FLI1: variants seen among roughly 807,000 people sequenced by gnomAD.
The protein encoded by FLI1 is Friend leukemia integration 1 transcription factor.
In FLI1, 13 loss-of-function variants were observed where a neutral mutation model predicts 53.1. The ratio of observed to expected loss-of-function variants is 0.24; its 90% CI spans 0.16 to 0.39. FLI1 has a LOEUF of 0.39. Among genes scored for constraint, FLI1 ranks in the 10% least tolerant of loss-of-function variants. The pLI is 1.00. For missense variants in FLI1, 424 were observed against 600.5 expected, an observed-to-expected ratio of 0.71 and a Z score of 3.07; for synonymous variants, 244 against 236.7, an observed-to-expected ratio of 1.03 and a Z score of -0.28.
chr11:128,722,010 G>A (rs553021840), intron 1 of FLI1, among the ~76,000 whole-genome samples: 30 of 152,260 alleles, frequency 2.0e-4, no homozygotes, highest in Admixed American at 1.2e-3. Context: ...TCTGCAGCTG[G>A]TCTTAGAGGG....
intron 4 of FLI1, among the ~76,000 whole-genome samples, chr11:128,777,255 G>A (rs1221441701): frequency 4.6e-5 from 7 of 152,106 alleles, no homozygotes; most frequent in African/African-American, 1.7e-4. Flanking sequence ...CGAGGCCCCG[G>A]GGGAGGTGGG....
At chr11:128,712,252 C>T (rs975060616) in intron 1 of FLI1, among the ~76,000 whole-genome samples, 4 of 152,292 alleles carry the variant, frequency 2.6e-5, no homozygotes, top group East Asian at 1.9e-4. Flanking sequence ...CTATGTGACA[C>T]GCTGGCTCCC....
chr11:128,801,281 G>A (rs1354603381), intron 5 of FLI1, among the ~76,000 whole-genome samples: 3 of 152,222 alleles, frequency 2.0e-5, no homozygotes, highest in South Asian at 2.1e-4. Flanking sequence ...GCTCTGCAAG[G>A]GGGTTTGTGT....
Position 128,758,101 on chromosome 11 carries a change from C to T in FLI1, c.19-14C>T. ...AGTGACACTGGGCTTTCTGTCTCTT[C>T]TCTGGCCCTGCAGGAGGCTCTGTCG... On this transcript the variant is annotated splice_polypyrimidine_tract_variant and intron_variant, in intron 1 of 8. Transcript: ENST00000527786. 6.2e-7 allele frequency: 1 copy of T among 1,605,284 alleles called. No individual in the cohort carries two copies. The highest frequency in any genetic ancestry group is 8.5e-7 in the Non-Finnish European group (1 of 1,175,760).
chr11:128,785,121 T>C (rs537463719), intron 5 of FLI1, among the ~76,000 whole-genome samples: 25 of 152,206 alleles, frequency 1.6e-4, no homozygotes, highest in Middle Eastern at 3.4e-3. Context: ...TTTAGAACAA[T>C]CTTTAAGCCC....
At chr11:128,779,208 G>A (rs1368180494) in intron 4 of FLI1, among the ~76,000 whole-genome samples, 3 of 152,230 alleles carry the variant, frequency 2.0e-5, no homozygotes, top group Admixed American at 6.5e-5. Flanking sequence ...TCTAAGGTTC[G>A]TGCTTTCGGC....
chr11:128,757,202 C>T (rs1239930793), intron 1 of FLI1, among the ~76,000 whole-genome samples: 2 of 152,028 alleles, frequency 1.3e-5, no homozygotes, highest in Non-Finnish European at 2.9e-5. Context: ...CCACCTCAGG[C>T]TCCCAAAATG....
chr11:128,782,043 C>A lies in FLI1; in HGVS notation c.655+20C>A. 8.1e-6 allele frequency: 13 copies of A among 1,604,244 alleles called. No individual in the cohort carries two copies. Among genetic ancestry groups the A allele is most frequent in the Non-Finnish European group, 1.0e-5 (12 of 1,171,116 alleles). On this transcript the variant is annotated intron_variant, in intron 5 of 8. Coordinates refer to ENST00000527786, the MANE Select transcript of FLI1 (RefSeq NM_002017.5). ...AAGAAGGTAAGTTTGTTCTTTTGTG[C>A]ACTTAAAATTTTCTTCTGTACCAGA...
At chr11:128,799,706 G>A (rs938744120) in intron 5 of FLI1, among the ~76,000 whole-genome samples, 36 of 152,192 alleles carry the variant, frequency 2.4e-4, no homozygotes, top group African/African-American at 7.7e-4. Context: ...CTGAGGGCGC[G>A]GACTCGAGCA....
rs1941925162 is a variant in FLI1 at position 128,781,855 on chromosome 11, C to T, written c.590-103C>T. 6.7e-6 allele frequency: 6 copies of T among 898,044 alleles called. No homozygotes were observed. The Admixed American group carries it at 7.0e-5, about 10-fold the overall frequency. 55.6% of individuals were successfully genotyped at this position (898,044 alleles called of 1,614,324 possible). A position where few individuals can be genotyped will look rare whatever the true frequency, so the allele number is the denominator to read the frequency against. On this transcript the variant is annotated intron_variant, in intron 4 of 8. Transcript: ENST00000527786. The stretch of plus-strand genomic sequence containing the variant: ...CTAGGAGTCCTCTGTCCCTCTTCCC[C>T]TCTCCCCATCTCTTTCCCTTTCTAC...
chr11:128,695,182 T>C (rs1938003927), intron 1 of FLI1, among the ~76,000 whole-genome samples: 1 of 152,092 alleles, frequency 6.6e-6, no homozygotes, highest in South Asian at 2.1e-4. Context: ...CAAGCCTGGG[T>C]CTAGGTTGCA....
At chr11:128,788,555 A>G (rs1942171516) in intron 5 of FLI1, among the ~76,000 whole-genome samples, 1 of 152,172 alleles carries the variant, frequency 6.6e-6, no homozygotes, top group Admixed American at 6.5e-5. Flanking sequence ...TCGAAAAACA[A>G]CAATGCATGC....
intron 1 of FLI1, among the ~76,000 whole-genome samples, chr11:128,753,584 T>C (rs190907623): frequency 6.6e-6 from 1 of 152,348 alleles, no homozygotes; most frequent in East Asian, 1.9e-4. Context: ...CTCATTTCTG[T>C]AAAGAGCTTG....
chr11:128,693,978 GAGAGAGAGAGAGAGAT>G (rs1344323577), upstream of FLI1: 14 of 345,932 alleles, frequency 4.0e-5, no homozygotes, highest in African/African-American at 1.3e-4. Flanking sequence ...GAGAGAGAGA[GAGAGAGAGAGAGAGAT>G]AGGACTTCCT....
chr11:128,723,602 T>C (rs1159987048), intron 1 of FLI1, among the ~76,000 whole-genome samples: 1 of 152,200 alleles, frequency 6.6e-6, no homozygotes, highest in Non-Finnish European at 1.5e-5. Flanking sequence ...AGGATAGGTA[T>C]AGAAAAACCC....
chr11:128,796,359 C>A (rs530618245), intron 5 of FLI1, among the ~76,000 whole-genome samples: 1 of 152,280 alleles, frequency 6.6e-6, no homozygotes, highest in South Asian at 2.1e-4. Flanking sequence ...GCCCAATACA[C>A]TAGAGGAGGT....
chr11:128,773,772 G>A (rs1209099384), intron 4 of FLI1, among the ~76,000 whole-genome samples: 4 of 151,656 alleles, frequency 2.6e-5, no homozygotes, highest in Non-Finnish European at 4.4e-5. Context: ...AGGCCAGGTG[G>A]TATATCAATA....
chr11:128,752,887 G>C (rs1010061042), intron 1 of FLI1, among the ~76,000 whole-genome samples: 1 of 152,184 alleles, frequency 6.6e-6, no homozygotes, highest in Non-Finnish European at 1.5e-5. Context: ...AGGAGAAAAA[G>C]TATCCCACCG....
chr11:128,789,004 T>C (rs1217432449), intron 5 of FLI1, among the ~76,000 whole-genome samples: 1 of 152,216 alleles, frequency 6.6e-6, no homozygotes, highest in Non-Finnish European at 1.5e-5. Flanking sequence ...CGTCTTTCAA[T>C]TTTCCCCTGC....
Sources: allele counts gnomAD v4.1 joint callset (sites outside exome capture counted in the v4.1 genomes callset), GRCh38; gene constraint gnomAD v4.1.1; transcripts MANE v1.5; gene names NCBI Gene and HGNC (gene_info 2026-07-23, HGNC 2026-07-21).